AK8: variants seen among roughly 807,000 people sequenced by gnomAD.
AK8 encodes the protein ATP-AMP transphosphorylase 8.
A neutral mutation model predicts 54.6 loss-of-function variants in AK8; 44 were observed. The observed-to-expected ratio is 0.81, with a 90% confidence interval of 0.63 to 1.04. The LOEUF (loss-of-function observed/expected upper bound fraction) is 1.04. AK8 is among the 50% of genes least tolerant of loss of function. The pLI is 0.00. For synonymous variants in AK8, 239 were observed against 245.6 expected, an observed-to-expected ratio of 0.97 and a Z score of 0.25; for missense variants, 555 against 613.6, an observed-to-expected ratio of 0.90 and a Z score of 1.01.
At chr9:132,800,657 A>G (rs971647621) in intron 10 of AK8, among the ~76,000 whole-genome samples, 13 of 152,024 alleles carry the variant, frequency 8.6e-5, no homozygotes, top group Non-Finnish European at 1.5e-4. Context: ...CTGGCAGACA[A>G]TGGCGCCAGG....
chr9:132,821,767 A>ACG (rs1564421253), intron 9 of AK8, among the ~76,000 whole-genome samples: 8 of 109,956 alleles, frequency 7.3e-5, no homozygotes, highest in African/African-American at 2.0e-4. Flanking sequence ...ATATACATAT[A>ACG]TGTATATGTG....
chr9:132,755,366 G>A (rs1369480109), intron 11 of AK8, among the ~76,000 whole-genome samples: 11 of 152,124 alleles, frequency 7.2e-5, no homozygotes, highest in Non-Finnish European at 1.3e-4. Context: ...CCGAGCACCC[G>A]AGCGCCTCGA....
intron 11 of AK8, among the ~76,000 whole-genome samples, chr9:132,775,309 T>C (rs1839164960): frequency 6.6e-6 from 1 of 152,186 alleles, no homozygotes; most frequent in Admixed American, 6.5e-5. Context: ...TTTTATTTCC[T>C]TTTTTATTTT....
chr9:132,839,823 G>T (rs903720550), intron 5 of AK8, among the ~76,000 whole-genome samples: 2 of 147,302 alleles, frequency 1.4e-5, no homozygotes, highest in Admixed American at 6.8e-5. Context: ...TTTTTGCCGG[G>T]GGGGGGGGCG....
At chr9:132,821,791 ATATATACATATATGTGTATG>A (rs1841649148) in intron 9 of AK8, among the ~76,000 whole-genome samples, 2 of 135,840 alleles carry the variant, frequency 1.5e-5, no homozygotes, top group Non-Finnish European at 3.1e-5. Context: ...GTATATACAA[ATATATACATATATGTGTATG>A]TATATACAAA....
intron 9 of AK8, among the ~76,000 whole-genome samples, chr9:132,816,706 A>G (rs2131268201): frequency 6.6e-6 from 1 of 152,368 alleles, no homozygotes; most frequent in Non-Finnish European, 1.5e-5. Context: ...GTCATTGGAC[A>G]ACAGAGAGAC....
chr9:132,729,176 T>A (rs1836712012), intron 11 of AK8, among the ~76,000 whole-genome samples: 1 of 152,202 alleles, frequency 6.6e-6, no homozygotes. Flanking sequence ...TGAGCCACCA[T>A]ATGTGGCCTA....
chr9:132,828,291 G>A (rs529038019), intron 6 of AK8, among the ~76,000 whole-genome samples: 6 of 152,292 alleles, frequency 3.9e-5, no homozygotes, highest in South Asian at 2.1e-4. Flanking sequence ...GACAGAGCAC[G>A]GCCCATGACG....
intron 5 of AK8, among the ~76,000 whole-genome samples, chr9:132,830,543 G>C (rs971106395): frequency 6.6e-6 from 1 of 152,094 alleles, no homozygotes; most frequent in Non-Finnish European, 1.5e-5. Flanking sequence ...ATGTTTGTTA[G>C]CTATTTGGAT....
chr9:132,751,766 G>A (rs903490135), intron 11 of AK8, among the ~76,000 whole-genome samples: 2 of 151,910 alleles, frequency 1.3e-5, no homozygotes, highest in African/African-American at 4.8e-5. Flanking sequence ...CGGGTTCATG[G>A]TATATTCCAT....
At chr9:132,853,782 T>TAAAAA (rs1230290680) in intron 5 of AK8, among the ~76,000 whole-genome samples, 1 of 21,304 alleles carries the variant, frequency 4.7e-5, no homozygotes, top group Non-Finnish European at 1.1e-4. Flanking sequence ...AGACTCTGCC[T>TAAAAA]CAAAAAAAAA....
intron 5 of AK8, among the ~76,000 whole-genome samples, chr9:132,836,213 C>T (rs768863502): frequency 3.9e-5 from 6 of 152,078 alleles, no homozygotes; most frequent in South Asian, 4.2e-4. Flanking sequence ...CACTTGAGTC[C>T]GGGAGTTCGA....
intron 2 of AK8, among the ~76,000 whole-genome samples, chr9:132,871,389 C>T (rs1465440584): frequency 1.3e-5 from 2 of 152,206 alleles, no homozygotes; most frequent in Non-Finnish European, 2.9e-5. Context: ...CCATGGGTGT[C>T]GCTCTCTTCT....
rs557742962 is a variant in AK8, at chr9:132,859,257, G to A, written c.334-4332C>T. 6.6e-5 allele frequency among the ~76,000 whole-genome samples: 10 copies of A among 152,132 alleles called. No individual in the cohort carries two copies. The East Asian group carries it at 1.6e-3, about 24-fold the overall frequency. Reference sequence around the variant, plus strand: ...AGACAGAGGTAGGATGAGGGCTCACGTTGTTTTTTTTCTTTGAGACAGGGT... The same window carrying A: ...AGACAGAGGTAGGATGAGGGCTCACATTGTTTTTTTTCTTTGAGACAGGGT... On this transcript the variant is annotated intron_variant, in intron 4 of 12. Coordinates refer to ENST00000298545, the MANE Select transcript of AK8 (RefSeq NM_152572.3).
chr9:132,737,843 G>C (rs1273354301), intron 11 of AK8, among the ~76,000 whole-genome samples: 1 of 152,144 alleles, frequency 6.6e-6, no homozygotes, highest in African/African-American at 2.4e-5. Flanking sequence ...ACTTCTACTA[G>C]TCATCATCAA....
At chr9:132,731,668 A>C (rs967659755) in intron 11 of AK8, among the ~76,000 whole-genome samples, 1 of 152,234 alleles carries the variant, frequency 6.6e-6, no homozygotes, top group African/African-American at 2.4e-5. Flanking sequence ...GTAAATGACG[A>C]GATGTCCTAT....
intron 10 of AK8, among the ~76,000 whole-genome samples, chr9:132,810,749 C>T (rs530196579): frequency 6.6e-6 from 1 of 152,052 alleles, no homozygotes; most frequent in East Asian, 1.9e-4. Context: ...ACCTTCTTGG[C>T]GACCGTGACA....
intron 9 of AK8, among the ~76,000 whole-genome samples, chr9:132,819,874 A>G (rs1395351250): frequency 1.3e-5 from 2 of 152,218 alleles, no homozygotes; most frequent in Admixed American, 6.5e-5. Context: ...TGTGGGAATT[A>G]AGCAAGGTGT....
At chr9:132,873,230 C>T (rs1843934202) in intron 2 of AK8, among the ~76,000 whole-genome samples, 1 of 152,208 alleles carries the variant, frequency 6.6e-6, no homozygotes, top group South Asian at 2.1e-4. Context: ...ACGTCATATT[C>T]CTGGAAGCTG....
Sources: gnomAD v4.1 joint callset for allele counts (sites outside exome capture counted in the v4.1 genomes callset) on GRCh38, gnomAD v4.1.1 for gene constraint, MANE v1.5 for transcripts, NCBI Gene and HGNC (gene_info 2026-07-23, HGNC 2026-07-21) for gene names.